The following PCDHGB1 variants were observed in gnomAD, a reference collection of about 807,000 sequenced individuals.
PCDHGB1 encodes protocadherin gamma subfamily B, 1.
Under a neutral mutation model 56.6 loss-of-function variants are expected in PCDHGB1, and 34 were observed. The ratio of observed to expected loss-of-function variants is 0.60; its 90% CI spans 0.46 to 0.80. PCDHGB1 has a LOEUF of 0.80. Among genes scored for constraint, PCDHGB1 ranks in the 30% least tolerant of loss-of-function variants. PCDHGB1 has a pLI of 0.00. For missense variants in PCDHGB1, 1,278 were observed against 1,204.6 expected (o/e 1.06, Z -0.90); for synonymous variants, 561 against 505.9 (o/e 1.11, Z -1.46).
Position 141,490,271 on chromosome 5 carries a change from A to G in PCDHGB1, c.2410-4536A>G, listed in dbSNP as rs750463186. 6.8e-6 allele frequency: 11 copies of G among 1,614,246 alleles called. No homozygotes were observed. Among genetic ancestry groups the G allele is most frequent in the Non-Finnish European group, 8.5e-6 (10 of 1,180,054 alleles). On this transcript the variant is annotated intron_variant, in intron 1 of 3. Coordinates refer to ENST00000523390, the MANE Select transcript of PCDHGB1 (RefSeq NM_018922.3). The surrounding 1 kb of genome is among the most constrained non-coding windows in gnomAD (Gnocchi z 5.4). The stretch of plus-strand genomic sequence containing the variant: ...ATTCAAGTGGATGTGGGGGATGTCA[A>G]TGACAATGCCCCAGAGGTGCTATTG...
chr5:141,418,396 A>G lies in PCDHGB1; in HGVS notation c.2409+65727A>G, dbSNP rs139206858. 4.9e-3 allele frequency: 7,975 copies of G among 1,613,844 alleles called. 44 individuals are homozygous for G. The highest frequency in any genetic ancestry group is 9.4e-3 in the Admixed American group (567 of 60,030). On this transcript the variant is annotated intron_variant, in intron 1 of 3. Coordinates refer to ENST00000523390, the MANE Select transcript of PCDHGB1 (RefSeq NM_018922.3). Reference sequence around the variant, plus strand: ...AACTAAGTCCTAACGAGTATTTCTCATTGGTGGAGAAAGACAATCCTGATG... The same window carrying G: ...AACTAAGTCCTAACGAGTATTTCTCGTTGGTGGAGAAAGACAATCCTGATG...
rs1207518184 is a variant in PCDHGB1 at position 141,352,338 on chromosome 5, C to T, written c.2078C>T (p.Ala693Val). 12 of 1,614,058 alleles carry T rather than the reference C, an allele frequency of 7.4e-6. No homozygotes were observed. In the Admixed American group the frequency reaches 8.3e-5, roughly 11 times the overall value. ...CAGTTTTACCTGGTTGTGGCCTTGGCCTTGATCTCAGTGCTCTTTCTCCTC... is the reference window on the plus strand; with the variant it reads ...CAGTTTTACCTGGTTGTGGCCTTGGTCTTGATCTCAGTGCTCTTTCTCCTC... Reference protein sequence around the residue: ...ELQFYLVVALALISVLFLLAV... With the variant: ...ELQFYLVVALVLISVLFLLAV... The change falls in exon 1 of 4, where the codon GCC becomes GTC. Residue 693 changes from alanine to valine, a missense_variant. Physicochemically the swap from Ala to Val is moderately conservative, Grantham distance 64. Coordinates refer to ENST00000523390, the MANE Select transcript of PCDHGB1 (RefSeq NM_018922.3).
At chr5:141,434,683 T>A (rs1057301534) in intron 1 of PCDHGB1, among the ~76,000 whole-genome samples, 8 of 152,248 alleles carry the variant, frequency 5.3e-5, no homozygotes, top group Non-Finnish European at 5.9e-5. Flanking sequence ...AATGACTGGC[T>A]TGCTGTTAAT....
intron 1 of PCDHGB1, among the ~76,000 whole-genome samples, chr5:141,443,505 A>G (rs553893860): frequency 4.4e-4 from 67 of 152,222 alleles, no homozygotes; most frequent in African/African-American, 1.4e-3. Context: ...AAACAAATAA[A>G]GAGCTTCTCT....
chr5:141,415,758 T>TG, intron 1 of PCDHGB1: 1 of 1,381,742 alleles, frequency 7.2e-7, no homozygotes, highest in South Asian at 1.7e-5. Context: ...TTTTTTTTTT[T>TG]TTTTTTTTTT....
intron 1 of PCDHGB1, among the ~76,000 whole-genome samples, chr5:141,445,429 C>G (rs974775529): frequency 2.6e-5 from 4 of 152,200 alleles, no homozygotes; most frequent in Non-Finnish European, 5.9e-5. Flanking sequence ...ATGCAAGGCA[C>G]TGACCTATGG....
At chr5:141,372,294 G>T (rs536487253) in intron 1 of PCDHGB1, 39 of 1,613,162 alleles carry the variant, frequency 2.4e-5, no homozygotes, top group Non-Finnish European at 2.9e-5. Flanking sequence ...TACCTTGGGC[G>T]ACAGGGAGGC....
chr5:141,492,616 G>A (rs976681246), intron 1 of PCDHGB1, among the ~76,000 whole-genome samples: 1 of 152,252 alleles, frequency 6.6e-6, no homozygotes. Flanking sequence ...CTAAGTGCCG[G>A]GCGGGCAGGA....
intron 1 of PCDHGB1, chr5:141,433,087 A>G (rs769187557): frequency 6.2e-7 from 1 of 1,614,206 alleles, no homozygotes. Context: ...CCAACTATGC[A>G]GACATGCTCG....
chr5:141,477,287 G>T lies in PCDHGB1; in HGVS notation c.2410-17520G>T. ...CGAGAACGGGCTGGTGACCTGCGAA[G>T]TTCCACCGGGTCTCCCTTTCAGCCT... On this transcript the variant is annotated intron_variant, in intron 1 of 3. Coordinates refer to ENST00000523390, the MANE Select transcript of PCDHGB1 (RefSeq NM_018922.3). The surrounding 1 kb of genome is among the most constrained non-coding windows in gnomAD (Gnocchi z 4.9). The T allele has an allele frequency of 6.2e-7, 1 of 1,614,190 alleles. No homozygotes were observed.
intron 1 of PCDHGB1, chr5:141,423,320 T>C: frequency 6.2e-7 from 1 of 1,614,148 alleles, no homozygotes; most frequent in Non-Finnish European, 8.5e-7. Flanking sequence ...GTGGTGGCGG[T>C]GGCCGCAGTC....
intron 1 of PCDHGB1, chr5:141,394,322 G>A (rs1438978424): frequency 1.9e-6 from 3 of 1,613,842 alleles, no homozygotes; most frequent in African/African-American, 1.3e-5. Flanking sequence ...CCCTGTCCTC[G>A]TATATCTCCA....
intron 1 of PCDHGB1, chr5:141,374,662 G>C (rs1378135258): frequency 6.2e-7 from 1 of 1,611,648 alleles, no homozygotes; most frequent in South Asian, 1.1e-5. Flanking sequence ...AGTACCCGGA[G>C]CTGGTGCTGG....
rs1255551589 is a variant in PCDHGB1 at position 141,410,375 on chromosome 5, G to A, written c.2409+57706G>A. ...ACGCTCTCTCAGCCCTGCTACTTGG[G>A]ACTGCTTCCATCCTGGTCTCTGTGT... On this transcript the variant is annotated intron_variant, in intron 1 of 3. Coordinates refer to ENST00000523390, the MANE Select transcript of PCDHGB1 (RefSeq NM_018922.3). The A allele has an allele frequency of 6.2e-7, 1 of 1,614,028 alleles. No individual in the cohort carries two copies. Among genetic ancestry groups the A allele is most frequent in the Admixed American group, 1.7e-5 (1 of 60,022 alleles).
Position 141,350,125 on chromosome 5 carries a change from A to G in PCDHGB1, c.-136A>G. 1.5e-6 allele frequency: 1 copy of G among 669,790 alleles called. No individual in the cohort carries two copies. Among genetic ancestry groups the G allele is most frequent in the Non-Finnish European group, 2.3e-6 (1 of 443,516 alleles). 41.5% of individuals were successfully genotyped at this position (669,790 alleles called of 1,614,324 possible). A position where few individuals can be genotyped will look rare whatever the true frequency, so the allele number is the denominator to read the frequency against. Reference sequence around the variant, plus strand: ...CCTTCCTGCTTTGTCCGGTGCACTGAGCACAGACGCTGCTCCTGTTCACCC... The same window carrying G: ...CCTTCCTGCTTTGTCCGGTGCACTGGGCACAGACGCTGCTCCTGTTCACCC... On this transcript the variant is annotated 5_prime_UTR_variant, in exon 1 of 4. Transcript: ENST00000523390.
chr5:141,462,623 T>C (rs992165332), intron 1 of PCDHGB1, among the ~76,000 whole-genome samples: 3 of 150,992 alleles, frequency 2.0e-5, no homozygotes, highest in Non-Finnish European at 4.4e-5. Context: ...CTTTTAGAAG[T>C]TCCATTTGAC....
chr5:141,449,263 AC>A (rs1308401244), intron 1 of PCDHGB1, among the ~76,000 whole-genome samples: 3 of 152,152 alleles, frequency 2.0e-5, no homozygotes, highest in African/African-American at 7.2e-5. Flanking sequence ...TGTACAAAGA[AC>A]TGTATCTCCT....
At chr5:141,357,270 ACTCTAT>A (rs1437213863) in intron 1 of PCDHGB1, 1 of 1,610,332 alleles carries the variant, frequency 6.2e-7, no homozygotes, top group East Asian at 2.2e-5. Context: ...CGGGCCTCAC[ACTCTAT>A]CTCGTGGTGG....
intron 1 of PCDHGB1, chr5:141,356,229 C>A (rs371768602): frequency 1.3e-6 from 2 of 1,593,426 alleles, no homozygotes; most frequent in Admixed American, 1.8e-5. Flanking sequence ...AAAATGACAA[C>A]GCACCAGAAG....
Sources: allele counts gnomAD v4.1 joint callset (sites outside exome capture counted in the v4.1 genomes callset), GRCh38; gene constraint gnomAD v4.1.1; non-coding constraint Gnocchi (gnomAD v3.1); transcripts MANE v1.5; gene names NCBI Gene and HGNC (gene_info 2026-07-23, HGNC 2026-07-21).